The following CD99 variants were observed in gnomAD, a reference collection of about 807,000 sequenced individuals.
CD99 encodes CD99 molecule (Xg blood group).
A neutral mutation model predicts 28.4 loss-of-function variants in CD99; 19 were observed. That is an observed-to-expected ratio of 0.67 (90% CI 0.47 to 0.98). The LOEUF (loss-of-function observed/expected upper bound fraction) is 0.98. CD99 is among the 50% of genes least tolerant of loss of function. The pLI is 0.00. For synonymous variants in CD99, 103 were observed against 92.1 expected (o/e 1.12, Z -0.67); for missense variants, 283 against 248.8 (o/e 1.14, Z -0.92).
intron 8 of CD99, chrX:2,733,372 G>A (rs1382732510): frequency 6.3e-7 from 1 of 1,592,332 alleles, no homozygotes; most frequent in Non-Finnish European, 8.5e-7. Context: ...TGAAGACCTA[G>A]GGGTGAGCAG....
intron 1 of CD99, among the ~76,000 whole-genome samples, chrX:2,709,754 A>T (rs1035170407): frequency 2.6e-5 from 4 of 152,268 alleles, no homozygotes; most frequent in African/African-American, 7.2e-5. Flanking sequence ...ATAGACATGC[A>T]CACGTATACC....
chrX:2,723,170 T>G, intron 6 of CD99, 144 bp from the exon 7 acceptor site: 2 of 813,060 alleles, frequency 2.5e-6, no homozygotes, highest in Non-Finnish European at 4.3e-6. Flanking sequence ...TAGAGTGTAA[T>G]AGGCAGGACC....
chrX:2,728,151 T>C (rs2049389594), intron 8 of CD99, among the ~76,000 whole-genome samples: 1 of 151,760 alleles, frequency 6.6e-6, no homozygotes, highest in South Asian at 2.1e-4. Context: ...GGAAGACAGT[T>C]GCCTCCTACC....
At position 2,732,662 on chromosome X, in the gene CD99, CTA is replaced by C. The variant is rs200909415; in HGVS notation, c.476-5536_476-5535del. Among the ~76,000 whole-genome samples the C allele has an allele frequency of 2.7e-3, 380 of 141,668 alleles. 1 individual carries two copies. Among genetic ancestry groups the C allele is most frequent in the African/African-American group, 0.01 (342 of 33,480 alleles). The allele number at this position is 141,668 out of a possible 152,430, so 92.9% of individuals were successfully genotyped here. A position where few individuals can be genotyped will look rare whatever the true frequency, so the allele number is the denominator to read the frequency against. On this transcript the variant is annotated intron_variant, in intron 8 of 9. Coordinates refer to ENST00000381192, the MANE Select transcript of CD99 (RefSeq NM_002414.5). ...TTTCCTTTTTCTCTCTTCCTTTTCT[CTA>C]TCTCTTCCTTTCTTCCTTCTCTTTT...
rs760025532 is a variant in CD99, at chrX:2,711,554, T to C, written c.68-2868T>C. On this transcript the variant is annotated intron_variant, in intron 1 of 9. Transcript: ENST00000381192. ...CGGAGTAGCCAAGACATGCAGTCAA[T>C]GGAAGAGCCCATCAAGGGATGAATG... Among the ~76,000 whole-genome samples, 26 of 152,044 alleles carry C rather than the reference T, an allele frequency of 1.7e-4. No homozygotes were observed. In the East Asian group the frequency reaches 4.6e-3, roughly 27 times the overall value.
chrX:2,717,700 T>A (rs1376371470), intron 3 of CD99, 48 bp downstream of exon 3: 1 of 1,552,808 alleles, frequency 6.4e-7, no homozygotes, highest in Admixed American at 1.7e-5. Flanking sequence ...GCAAATCATT[T>A]TCTCGGACAG....
chrX:2,738,163 C>A, intron 8 of CD99, 37 bp from the exon 9 acceptor site: 1 of 1,588,456 alleles, frequency 6.3e-7, no homozygotes, highest in Non-Finnish European at 8.6e-7. Flanking sequence ...TTATCTGTTG[C>A]ACTGAGCCTC....
intron 1 of CD99, among the ~76,000 whole-genome samples, chrX:2,709,310 GCA>G (rs72459779): frequency 0.22 from 31,542 of 145,342 alleles, 3,454 homozygotes; most frequent in Middle Eastern, 0.3. Flanking sequence ...ACAAGCACAT[GCA>G]CATACTCCTG....
chrX:2,720,343 C>T lies in CD99; in HGVS notation c.194-13C>T, dbSNP rs749166580. 3 of 1,613,598 alleles carry T rather than the reference C, an allele frequency of 1.9e-6. No homozygotes were observed. Among genetic ancestry groups the T allele is most frequent in the East Asian group, 2.2e-5 (1 of 44,880 alleles). On this transcript the variant is annotated splice_polypyrimidine_tract_variant and intron_variant, in intron 4 of 9. Transcript: ENST00000381192. ...AGGCACTTAAAATTGCAACTCTCAT[C>T]TTTCACAAACAGACGACCCACGACC... is the stretch of plus-strand genomic sequence containing the variant.
At chrX:2,724,165 A>T (rs971655166) in intron 7 of CD99, among the ~76,000 whole-genome samples, 11 of 152,104 alleles carry the variant, frequency 7.2e-5, no homozygotes, top group African/African-American at 1.4e-4. Flanking sequence ...GTCATTTTTT[A>T]AAAAATAGCT....
At chrX:2,697,143 G>T (rs1001323947) in intron 1 of CD99, among the ~76,000 whole-genome samples, 1 of 152,106 alleles carries the variant, frequency 6.6e-6, no homozygotes, top group Admixed American at 6.5e-5. Context: ...CTTTTGTTCC[G>T]CTCCCTCTGT....
intron 8 of CD99, 150 bp downstream of exon 8, chrX:2,726,523 A>T: frequency 1.4e-6 from 1 of 702,268 alleles, no homozygotes; most frequent in Non-Finnish European, 2.6e-6. Context: ...CTGGAATCGA[A>T]CCTTCTGGCT....
Position 2,691,312 on chromosome X carries a change from C to T in CD99, c.-49C>T. 1.4e-6 allele frequency: 2 copies of T among 1,474,214 alleles called. No individual in the cohort carries two copies. The highest frequency in any genetic ancestry group is 9.0e-7 in the Non-Finnish European group (1 of 1,111,518). 91.3% of individuals were successfully genotyped at this position (1,474,214 alleles called of 1,614,324 possible). A position where few individuals can be genotyped will look rare whatever the true frequency, so the allele number is the denominator to read the frequency against. ...GGGGGAGTATCTGTCCTGCCGCCTT[C>T]GCCCACGCCCTGCACTCCGGGACCG... On this transcript the variant is annotated 5_prime_UTR_variant, in exon 1 of 10. Coordinates refer to ENST00000381192, the MANE Select transcript of CD99 (RefSeq NM_002414.5).
chrX:2,704,673 T>C (rs2048034943), intron 1 of CD99, among the ~76,000 whole-genome samples: 1 of 152,146 alleles, frequency 6.6e-6, no homozygotes, highest in Non-Finnish European at 1.5e-5. Context: ...TCTGCCTGCC[T>C]CAACCTCCCA....
chrX:2,727,398 TTACATTTA>T, intron 8 of CD99: 4 of 767,308 alleles, frequency 5.2e-6, no homozygotes, highest in African/African-American at 5.1e-5. Flanking sequence ...CACTGGGCAC[TTACATTTA>T]GCTCTTGCCT....
chrX:2,725,404 A>T (rs539832973), intron 7 of CD99, among the ~76,000 whole-genome samples: 1 of 152,126 alleles, frequency 6.6e-6, no homozygotes, highest in South Asian at 2.1e-4. Flanking sequence ...TCTCAAAATA[A>T]TACACAATAA....
chrX:2,730,160 T>C (rs1420011153), intron 8 of CD99, among the ~76,000 whole-genome samples: 1 of 132,038 alleles, frequency 7.6e-6, no homozygotes, highest in Non-Finnish European at 1.6e-5. Context: ...TCTCTAGATA[T>C]AAAAATAAAA....
At position 2,711,767 on chromosome X, in the gene CD99, C is replaced by T. The variant is rs751502945; in HGVS notation, c.68-2655C>T. 3.4e-5 allele frequency among the ~76,000 whole-genome samples: 5 copies of T among 148,368 alleles called. No individual in the cohort carries two copies. The East Asian group carries it at 7.7e-4, about 23-fold the overall frequency. On this transcript the variant is annotated intron_variant, in intron 1 of 9. Transcript: ENST00000381192. ...AAAAAAGAAGGAGGTTGGCTGGGTG[C>T]GGTGGCTCATGCCTGTCATCCTAGC...
chrX:2,731,328 G>A (rs1401233499), intron 8 of CD99, among the ~76,000 whole-genome samples: 4 of 152,174 alleles, frequency 2.6e-5, no homozygotes, highest in Non-Finnish European at 5.9e-5. Flanking sequence ...GGTGGCTTAC[G>A]CCTGTAATCC....
Sources: gnomAD v4.1 joint callset for allele counts (sites outside exome capture counted in the v4.1 genomes callset) on GRCh38, gnomAD v4.1.1 for gene constraint, MANE v1.5 for transcripts, NCBI Gene and HGNC (gene_info 2026-07-23, HGNC 2026-07-21) for gene names.